Variants in TEX13C observed in about 807,000 individuals in gnomAD.
TEX13C encodes TEX13 family member C.
For synonymous variants in TEX13C, 219 were observed against 116.6 expected (o/e 1.88, Z -5.65); for missense variants, 480 against 298.7 (o/e 1.61, Z -4.47).
exon 1 of TEX13C, chrX:125,323,082 G>T (rs1283334888): frequency 5.9e-6 from 3 of 511,752 alleles, no homozygotes; most frequent in Non-Finnish European, 1.1e-5. Context: ...GTTGAGAATG[G>T]CAGCGTTGAC....
exon 1 of TEX13C, chrX:125,325,146 C>T (rs2018879317): frequency 9.0e-6 from 1 of 111,427 alleles, no homozygotes; most frequent in Admixed American, 9.5e-5. Flanking sequence ...AGATCCCACC[C>T]AGCTCACCAA....
chrX:125,320,728 A>G lies in TEX13C; in HGVS notation c.609A>G (p.Pro203=), dbSNP rs1455562323. Reference sequence around the variant, plus strand: ...ATTCGGAAGCCCAGGTAGCAGCCCCAACAGCTGTGTATTACATGCCTGAAC... The same window carrying G: ...ATTCGGAAGCCCAGGTAGCAGCCCCGACAGCTGTGTATTACATGCCTGAAC... The change falls in exon 1 of 1, where the codon CCA becomes CCG. Residue 203 remains proline (P), a synonymous_variant. Coordinates refer to ENST00000632600, the Ensembl canonical transcript of TEX13C. 4 of 513,861 alleles carry G rather than the reference A, an allele frequency of 7.8e-6. No homozygotes were observed. The African/African-American group carries it at 9.2e-5, about 12-fold the overall frequency. 42.3% of individuals were successfully genotyped at this position (513,861 alleles called of 1,213,427 possible).
At chrX:125,320,285 G>A (rs1420050912) in exon 1 of TEX13C, 1 of 515,765 alleles carries the variant, frequency 1.9e-6, no homozygotes, top group East Asian at 3.6e-5. Flanking sequence ...CATTGTGGCC[G>A]ACCCGCGGGT....
exon 1 of TEX13C, chrX:125,320,191 A>T (rs998139767): frequency 3.9e-6 from 2 of 513,475 alleles, no homozygotes; most frequent in Admixed American, 2.6e-5. Context: ...TCAACAATGA[A>T]GTCCTCAGGA....
exon 1 of TEX13C, chrX:125,321,976 C>T (rs1369692506): frequency 2.0e-5 from 10 of 491,331 alleles, no homozygotes; most frequent in Non-Finnish European, 3.6e-5. Context: ...TGCCCCAGGA[C>T]ACAGCTCCCC....
At position 125,320,240 on chromosome X, in the gene TEX13C, C is replaced by T. The variant is rs772004372; in HGVS notation, c.121C>T (p.Arg41Trp). 67 of 515,287 alleles carry T rather than the reference C, an allele frequency of 1.3e-4. No individual in the cohort carries two copies. The African/African-American group carries it at 1.3e-3, about 10-fold the overall frequency. The allele number at this position is 515,287 out of a possible 1,213,427, so 42.5% of individuals were successfully genotyped here. ...AGCCTTTTACACGGCCTTCCGCTCG[C>T]GGCCGTGGAACGAGGTAGAGGACCG... is the stretch of plus-strand genomic sequence containing the variant. The change falls in exon 1 of 1, where the codon CGG (arginine) becomes TGG (tryptophan). Residue 41 changes from arginine (R) to tryptophan (W), a missense_variant. Transcript: ENST00000632600.
In TEX13C at chrX:125,322,151, C is replaced by G. The variant is rs781099974; in HGVS notation, c.2032C>G (p.Pro678Ala). The G allele has an allele frequency of 3.7e-4, 181 of 487,221 alleles. No individual in the cohort carries two copies. The African/African-American group carries it at 4.2e-3, about 11-fold the overall frequency. The allele number at this position is 487,221 out of a possible 1,213,427, so 40.2% of individuals were successfully genotyped here. A position where few individuals can be genotyped will look rare whatever the true frequency, so the allele number is the denominator to read the frequency against. ...TAGCCTGAAGAAAGATCCAGTGGTG[C>G]CCCAGGGCACAGCTCCCCTGATGTT... Residue 678 changes from proline (P) to alanine (A), a missense_variant, in exon 1 of 1, where the codon CCC (proline) becomes GCC (alanine). By Grantham distance (27) the Pro-to-Ala change is conservative. Coordinates refer to ENST00000632600, the Ensembl canonical transcript of TEX13C.
At chrX:125,323,286 G>T in exon 1 of TEX13C, 1 of 394,134 alleles carries the variant, frequency 2.5e-6, no homozygotes, top group Non-Finnish European at 4.3e-6. Context: ...TTTTATCATT[G>T]TGAGTATACA....
At chrX:125,322,359 T>G in exon 1 of TEX13C, 1 of 468,133 alleles carries the variant, frequency 2.1e-6, no homozygotes, top group Non-Finnish European at 3.7e-6. Flanking sequence ...ATGGTCCCCC[T>G]GGGGGACAGC....
exon 1 of TEX13C, chrX:125,320,257 A>G (rs2018822410): frequency 1.9e-6 from 1 of 515,324 alleles, no homozygotes; most frequent in Admixed American, 2.6e-5. Flanking sequence ...GGAACGAGGT[A>G]GAGGACCGGC....
At chrX:125,322,264 A>G (rs2018852866) in exon 1 of TEX13C, 1 of 496,634 alleles carries the variant, frequency 2.0e-6, no homozygotes, top group African/African-American at 2.7e-5. Flanking sequence ...GCCTGAAGAA[A>G]GATCCAGTGG....
exon 1 of TEX13C, chrX:125,320,928 A>G: frequency 1.9e-6 from 1 of 515,664 alleles, no homozygotes; most frequent in Non-Finnish European, 3.5e-6. Flanking sequence ...GCAGGGATCT[A>G]TCCACCTGGT....
exon 1 of TEX13C, chrX:125,320,226 C>T (rs913207753): frequency 2.5e-5 from 13 of 515,038 alleles, no homozygotes; most frequent in South Asian, 7.4e-5. Flanking sequence ...GCCTTTTACA[C>T]GGCCTTCCGC....
chrX:125,320,024 G>C, upstream of TEX13C: 5 of 449,416 alleles, frequency 1.1e-5, no homozygotes, highest in South Asian at 1.6e-4. Context: ...GGAGGTGAGG[G>C]GTGGACTGGT....
exon 1 of TEX13C, chrX:125,320,915 C>G (rs1479049468): frequency 1.9e-6 from 1 of 514,040 alleles, no homozygotes; most frequent in Non-Finnish European, 3.5e-6. Flanking sequence ...ACAGATGCCT[C>G]CTGCAGGGAT....
chrX:125,320,615 C>T (rs1310233377), exon 1 of TEX13C: 1 of 514,527 alleles, frequency 1.9e-6, no homozygotes, highest in African/African-American at 2.3e-5. Flanking sequence ...TGTACCCGGT[C>T]CAGAAGCCGG....
chrX:125,322,956 A>T, exon 1 of TEX13C: 1 of 515,642 alleles, frequency 1.9e-6, no homozygotes, highest in South Asian at 2.5e-5. Context: ...TCAGAATCCC[A>T]GCAACAGAAG....
chrX:125,323,097 C>A (rs1471579819), exon 1 of TEX13C: 4 of 490,882 alleles, frequency 8.1e-6, no homozygotes, highest in Non-Finnish European at 3.6e-6. Flanking sequence ...GTTGACCCAG[C>A]GTAAACTCAT....
At chrX:125,324,931 T>C (rs2018877733) in exon 1 of TEX13C, 1 of 111,564 alleles carries the variant, frequency 9.0e-6, no homozygotes, top group African/African-American at 3.3e-5. Flanking sequence ...CTTGGGAGGA[T>C]AAATTGGGTT....
Sources: allele counts gnomAD v4.1 joint callset, GRCh38; gene constraint gnomAD v4.1.1; transcripts MANE v1.5; gene names NCBI Gene and HGNC (gene_info 2026-07-23, HGNC 2026-07-21).